XRRA1: variants seen among roughly 807,000 people sequenced by gnomAD.
XRRA1 encodes the protein X-ray radiation resistance associated 1.
XRRA1 carries 69 observed loss-of-function variants against 80.2 expected under a neutral mutation model. The observed-to-expected ratio is 0.86, with a 90% CI of 0.71 to 1.05. XRRA1 has a LOEUF of 1.05. Among genes scored for constraint, XRRA1 ranks in the 50% least tolerant of loss-of-function variants. The pLI is 0.00. For synonymous variants in XRRA1, 348 were observed against 389.9 expected (o/e 0.89, Z 1.27); for missense variants, 967 against 976.4 (o/e 0.99, Z 0.13).
chr11:74,843,590 T>C (rs2037028767), intron 18 of XRRA1, 137 bp from the exon 19 acceptor site: 1 of 1,272,774 alleles, frequency 7.9e-7, no homozygotes, highest in South Asian at 1.5e-5. Context: ...AAAATGGCCT[T>C]TCCAGCTTGG....
intron 8 of XRRA1, among the ~76,000 whole-genome samples, chr11:74,915,835 C>T (rs993975107): frequency 1.3e-5 from 2 of 152,306 alleles, no homozygotes; most frequent in African/African-American, 2.4e-5. Context: ...CCAGTATTTA[C>T]GCAGGGCGGG....
At position 74,927,422 on chromosome 11, in the gene XRRA1, T is replaced by C. The variant is rs751925746; in HGVS notation, c.491A>G (p.Tyr164Cys). 3.7e-6 allele frequency: 6 copies of C among 1,613,190 alleles called. No homozygotes were observed. The African/African-American group carries it at 4.0e-5, about 11-fold the overall frequency. ...TAACTTAAAGTCTCCATATTTCACG[T>C]AGATAGTTTTGATGCCATTAAATGC... ...DLAFNGIKTI[Y>C]VKYGDFKLLE... is the part of the protein sequence containing the mutation. Residue 164 changes from tyrosine (Y) to cysteine (C), a missense_variant, in exon 7 of 19, where the codon TAC becomes TGC. Tyr to Cys is a radical substitution (Grantham distance 194, BLOSUM62 -2). Transcript: ENST00000684022.
At chr11:74,852,163 G>T in intron 12 of XRRA1, 81 bp from the exon 13 acceptor site, 1 of 1,160,804 alleles carries the variant, frequency 8.6e-7, no homozygotes, top group Non-Finnish European at 1.3e-6. Flanking sequence ...CTCACTGCAG[G>T]GCTACATGCT....
At chr11:74,877,083 G>T (rs1355571636) in intron 10 of XRRA1, 2 of 152,216 alleles carry the variant, frequency 1.3e-5, no homozygotes, top group African/African-American at 2.4e-5. Flanking sequence ...TACCTGCAAT[G>T]TAGAATTCTG....
chr11:74,870,072 C>T (rs928085268), intron 10 of XRRA1, among the ~76,000 whole-genome samples: 1 of 152,184 alleles, frequency 6.6e-6, no homozygotes, highest in South Asian at 2.1e-4. Flanking sequence ...ATTTTGGGGC[C>T]TTCTGCCCTC....
intron 10 of XRRA1, among the ~76,000 whole-genome samples, chr11:74,885,890 G>C (rs931616817): frequency 7.2e-5 from 11 of 152,118 alleles, no homozygotes; most frequent in Admixed American, 3.3e-4. Flanking sequence ...TTATTCCTGG[G>C]ATGCAAGGTT....
At chr11:74,881,329 C>T (rs1375745227) in intron 10 of XRRA1, among the ~76,000 whole-genome samples, 1 of 151,486 alleles carries the variant, frequency 6.6e-6, no homozygotes, top group Non-Finnish European at 1.5e-5. Context: ...GATCTTCCTC[C>T]ATCCTTTTAT....
intron 10 of XRRA1, among the ~76,000 whole-genome samples, chr11:74,872,992 C>T (rs745467839): frequency 2.0e-5 from 3 of 152,158 alleles, no homozygotes; most frequent in Admixed American, 1.3e-4. Context: ...GAAAGTACCA[C>T]TCCTTCATTA....
intron 7 of XRRA1, among the ~76,000 whole-genome samples, chr11:74,924,473 CAAAAA>C (rs113377290): frequency 1.0e-5 from 1 of 96,112 alleles, no homozygotes. Context: ...AACTCCGTCT[CAAAAA>C]AAAAAAAAAA....
At chr11:74,895,276 C>G (rs1246183566) in intron 10 of XRRA1, among the ~76,000 whole-genome samples, 1 of 152,146 alleles carries the variant, frequency 6.6e-6, no homozygotes, top group African/African-American at 2.4e-5. Context: ...GCACAGCAAC[C>G]GAGGGACCTT....
At chr11:74,886,521 TACA>T (rs764341089) in intron 10 of XRRA1, among the ~76,000 whole-genome samples, 3 of 151,648 alleles carry the variant, frequency 2.0e-5, no homozygotes, top group Non-Finnish European at 4.4e-5. Context: ...GAAAGAGCTC[TACA>T]ACAAGAGTTA....
intron 7 of XRRA1, among the ~76,000 whole-genome samples, chr11:74,924,757 C>A (rs952077519): frequency 6.6e-6 from 1 of 152,308 alleles, no homozygotes; most frequent in East Asian, 1.9e-4. Context: ...CGCTTGAACC[C>A]AGGAGGCGGA....
chr11:74,907,287 G>C lies in XRRA1; in HGVS notation c.657-14C>G. On this transcript the variant is annotated splice_polypyrimidine_tract_variant and intron_variant, in intron 8 of 18. Transcript: ENST00000684022. ...ACAGATGCCTCCCTGTGAGTGCAAAGATCTTGGGTAATGAGCAAGGTCGAG... is the reference window on the plus strand; with the variant it reads ...ACAGATGCCTCCCTGTGAGTGCAAACATCTTGGGTAATGAGCAAGGTCGAG... The C allele has an allele frequency of 3.7e-6, 6 of 1,613,678 alleles. No individual in the cohort carries two copies. The highest frequency in any genetic ancestry group is 5.1e-6 in the Non-Finnish European group (6 of 1,179,712).
At chr11:74,885,414 C>A (rs955030853) in intron 10 of XRRA1, among the ~76,000 whole-genome samples, 1 of 152,040 alleles carries the variant, frequency 6.6e-6, no homozygotes, top group Admixed American at 6.6e-5. Context: ...ACTGACCCCA[C>A]AGAATTACAA....
rs2037179742 is a variant in XRRA1, at chr11:74,843,860, G to A, written c.2143C>T (p.Pro715Ser). 1.2e-6 allele frequency: 2 copies of A among 1,608,910 alleles called. No individual in the cohort carries two copies. Among genetic ancestry groups the A allele is most frequent in the African/African-American group, 1.3e-5 (1 of 74,954 alleles). The change falls in exon 18 of 19, where the codon CCA (proline) becomes TCA (serine). Residue 715 changes from proline (P) to serine (S), a missense_variant. Coordinates refer to ENST00000684022, the MANE Select transcript of XRRA1 (RefSeq NM_001378157.1). ...AGCTGTGGCAGAGCCGTACCTAGTG[G>A]AGCCTCTGTAATGTTCCGGGGATCC... ...LRDPRNITEA[P>S]LGAVLHQWTE... is the part of the protein sequence containing the mutation.
intron 10 of XRRA1, chr11:74,863,668 T>G (rs1004148699): frequency 2.0e-5 from 3 of 152,324 alleles, no homozygotes; most frequent in African/African-American, 4.8e-5. Flanking sequence ...GACTAGATCC[T>G]GTGCAGACAT....
chr11:74,874,989 A>C (rs1484945641), intron 10 of XRRA1, among the ~76,000 whole-genome samples: 1 of 152,232 alleles, frequency 6.6e-6, no homozygotes, highest in Non-Finnish European at 1.5e-5. Context: ...AGCTCTTACA[A>C]GAACACTTGA....
intron 6 of XRRA1, among the ~76,000 whole-genome samples, chr11:74,928,144 T>C (rs1318424205): frequency 6.6e-6 from 1 of 152,238 alleles, no homozygotes; most frequent in African/African-American, 2.4e-5. Flanking sequence ...GAATAAAAGG[T>C]AAGAAACTAT....
chr11:74,865,451 C>A (rs2043199453), intron 10 of XRRA1, among the ~76,000 whole-genome samples: 1 of 152,164 alleles, frequency 6.6e-6, no homozygotes, highest in Non-Finnish European at 1.5e-5. Context: ...CAGCCCCTCC[C>A]TCTACAATCA....
Sources: gnomAD v4.1 joint callset for allele counts (sites outside exome capture counted in the v4.1 genomes callset) on GRCh38, gnomAD v4.1.1 for gene constraint, MANE v1.5 for transcripts, NCBI Gene and HGNC (gene_info 2026-07-23, HGNC 2026-07-21) for gene names.